The following ZNF83 variants were observed in gnomAD, a reference collection of about 807,000 sequenced individuals.
ZNF83 encodes zinc finger protein 816B.
For missense variants in ZNF83, 552 were observed against 629.9 expected, an observed-to-expected ratio of 0.88 and a Z score of 1.32; for synonymous variants, 209 against 213.0, an observed-to-expected ratio of 0.98 and a Z score of 0.17.
chr19:52,640,734 C>T (rs904114681), upstream of ZNF83, among the ~76,000 whole-genome samples: 3 of 152,106 alleles, frequency 2.0e-5, no homozygotes, highest in Admixed American at 6.6e-5. Context: ...GGGAGTTCGC[C>T]CCGACTGCAG....
exon 3 of ZNF83, chr19:52,655,577 C>T (rs2061494148): frequency 2.5e-5 from 38 of 1,501,728 alleles, no homozygotes; most frequent in Middle Eastern, 3.4e-4. Flanking sequence ...ACTCCAGGTT[C>T]CTGTAGTTCT....
intron 3 of ZNF83, chr19:52,654,078 A>G (rs2061477024): frequency 8.8e-6 from 14 of 1,597,638 alleles, no homozygotes; most frequent in Non-Finnish European, 1.0e-5. Context: ...TTTTCCCTTC[A>G]GTCTGAAATT....
At chr19:52,620,270 CTGTG>C (rs377267661) in intron 2 of ZNF83, among the ~76,000 whole-genome samples, 3 of 144,432 alleles carry the variant, frequency 2.1e-5, no homozygotes, top group East Asian at 2.1e-4. Context: ...GTGTATATCT[CTGTG>C]TGTGTGTGTG....
chr19:52,629,631 T>G (rs1179240271), intron 2 of ZNF83, among the ~76,000 whole-genome samples: 3 of 152,186 alleles, frequency 2.0e-5, no homozygotes, highest in Non-Finnish European at 4.4e-5. Context: ...GCTAAAGGCA[T>G]AGTCAAGGTT....
chr19:52,628,764 G>T (rs2060838238), intron 2 of ZNF83, among the ~76,000 whole-genome samples: 1 of 150,374 alleles, frequency 6.7e-6, no homozygotes, highest in Non-Finnish European at 1.5e-5. Flanking sequence ...TTCACCCTTA[G>T]CAGCAAGTCC....
intron 2 of ZNF83, among the ~76,000 whole-genome samples, chr19:52,659,018 G>T (rs2061542998): frequency 6.6e-6 from 1 of 152,174 alleles, no homozygotes; most frequent in South Asian, 2.1e-4. Context: ...CACCCAGCAG[G>T]ACTGGCAAAG....
At chr19:52,641,364 C>T (rs2061302794), upstream of ZNF83, among the ~76,000 whole-genome samples, 1 of 152,106 alleles carries the variant, frequency 6.6e-6, no homozygotes, top group Non-Finnish European at 1.5e-5. Flanking sequence ...GGAAGTTTCA[C>T]GTATGTATAT....
intron 2 of ZNF83, among the ~76,000 whole-genome samples, chr19:52,615,877 G>A (rs2060286769): frequency 6.6e-6 from 1 of 152,098 alleles, no homozygotes; most frequent in Non-Finnish European, 1.5e-5. Context: ...TCACTCTTGT[G>A]CCCCAGGCTG....
chr19:52,629,405 C>A (rs2060865945), intron 2 of ZNF83, among the ~76,000 whole-genome samples: 1 of 152,026 alleles, frequency 6.6e-6, no homozygotes, highest in African/African-American at 2.4e-5. Flanking sequence ...TCTTTCTAAT[C>A]TTCCTTTTCT....
At chr19:52,637,100 TC>T (rs748820706) in intron 1 of ZNF83, 1 of 152,148 alleles carries the variant, frequency 6.6e-6, no homozygotes, top group South Asian at 2.1e-4. Flanking sequence ...CTGCTGTTTA[TC>T]CCCTTCTTCC....
upstream of ZNF83, among the ~76,000 whole-genome samples, chr19:52,639,413 C>CTTTTTTTTTCTTTTTTTTTTTT (rs1206783591): frequency 5.6e-5 from 3 of 53,876 alleles, no homozygotes; most frequent in Non-Finnish European, 9.8e-5. Context: ...TTAGTTTTTT[C>CTTTTTTTTTCTTTTTTTTTTTT]TATTTTTTTT....
rs753602150 is a variant in ZNF83, at chr19:52,614,310, T to A, written c.255A>T (p.Lys85Asn). The A allele has an allele frequency of 2.1e-5, 34 of 1,613,714 alleles. No individual in the cohort carries two copies. Among genetic ancestry groups the A allele is most frequent in the Non-Finnish European group, 2.7e-5 (32 of 1,179,732 alleles). Reference sequence around the variant, plus strand: ...TGTAGTGTTCTGTCCCAATATTTGCTTTCTCTTTTTGTGTGAATAATGAAT... The same window carrying A: ...TGTAGTGTTCTGTCCCAATATTTGCATTCTCTTTTTGTGTGAATAATGAAT... The change falls in exon 3 of 3, where the codon AAA (lysine) becomes AAT (asparagine). Residue 85 changes from lysine (K) to asparagine (N), a missense_variant. Physicochemically the swap from Lys to Asn is moderately conservative, Grantham distance 94. Coordinates refer to ENST00000301096, the Ensembl canonical transcript of ZNF83.
chr19:52,663,256 C>T (rs899080104), intron 1 of ZNF83, among the ~76,000 whole-genome samples: 2 of 152,126 alleles, frequency 1.3e-5, no homozygotes, highest in Non-Finnish European at 2.9e-5. Context: ...GGCATGAATC[C>T]TAAACATGCA....
At chr19:52,659,393 C>T (rs947600645) in intron 2 of ZNF83, among the ~76,000 whole-genome samples, 3 of 152,100 alleles carry the variant, frequency 2.0e-5, no homozygotes, top group African/African-American at 4.8e-5. Context: ...GGTTTCATCA[C>T]GGGACAATAG....
chr19:52,614,327 A>G, exon 3 of ZNF83: 1 of 1,613,284 alleles, frequency 6.2e-7, no homozygotes, highest in South Asian at 1.1e-5. Context: ...TTTTGTGTGA[A>G]TAATGAATCC....
In ZNF83 at chr19:52,687,618, A is replaced by G. The variant is rs1297551088; in HGVS notation, c.-283+2825T>C. On this transcript the variant is annotated intron_variant, in intron 1 of 5. Coordinates refer to the ZNF83 transcript ENST00000594682. ...TATAATGTATATATATATAATGTGT[A>G]TATATATATATAATGTATATATATA... Among the ~76,000 whole-genome samples, 11 of 24,234 alleles carry G rather than the reference A, an allele frequency of 4.5e-4. 3 individuals are homozygous for G. The highest frequency in any genetic ancestry group is 1.9e-3 in the South Asian group (2 of 1,034). The allele number at this position is 24,234 out of a possible 152,430, so 15.9% of individuals were successfully genotyped here.
intron 1 of ZNF83, among the ~76,000 whole-genome samples, chr19:52,675,825 C>A (rs1027588090): frequency 2.0e-5 from 3 of 152,148 alleles, no homozygotes; most frequent in Admixed American, 2.0e-4. Context: ...GAAAGTGGAA[C>A]TAATTTAGCA....
chr19:52,671,823 T>C (rs1043339295), intron 1 of ZNF83, among the ~76,000 whole-genome samples: 12 of 152,208 alleles, frequency 7.9e-5, no homozygotes, highest in African/African-American at 2.9e-4. Context: ...CTATAAAATA[T>C]GCAGTCTTTA....
chr19:52,643,360 G>A (rs374703096), upstream of ZNF83, among the ~76,000 whole-genome samples: 195 of 136,184 alleles, frequency 1.4e-3, no homozygotes, highest in African/African-American at 1.4e-3. Context: ...GTCTCAAATA[G>A]AAAAAAAAAA....
Sources: allele counts gnomAD v4.1 joint callset (sites outside exome capture counted in the v4.1 genomes callset), GRCh38; gene constraint gnomAD v4.1.1; transcripts MANE v1.5; gene names NCBI Gene and HGNC (gene_info 2026-07-23, HGNC 2026-07-21).